Variants in PDE8B observed in about 807,000 individuals in gnomAD.
The protein encoded by PDE8B is phosphodiesterase 8B.
A neutral mutation model predicts 101.3 loss-of-function variants in PDE8B; 26 were observed. The observed-to-expected ratio is 0.26, with a 90% CI of 0.19 to 0.36. PDE8B has a LOEUF of 0.36. PDE8B is among the 10% of genes least tolerant of loss of function. The probability of loss-of-function intolerance (pLI) is 1.00; values close to 1 mark genes in which losing one functional copy is unlikely to be tolerated. For synonymous variants in PDE8B, 424 were observed against 429.3 expected, an observed-to-expected ratio of 0.99 and a Z score of 0.15; for missense variants, 810 against 1,163.1, an observed-to-expected ratio of 0.70 and a Z score of 4.42.
At chr5:77,115,053 C>T in the PDE8B span, 1 of 152,130 alleles carries the variant, frequency 6.6e-6, no homozygotes, top group South Asian at 2.1e-4. Flanking sequence ...TACCTGCTGA[C>T]ACCTTATTGG....
In PDE8B at chr5:77,412,386, G is replaced by A. The variant is rs1021605083; in HGVS notation, c.1712+151G>A. On this transcript the variant is annotated intron_variant, in intron 16 of 21. Coordinates refer to ENST00000264917, the MANE Select transcript of PDE8B (RefSeq NM_003719.5). ...ATGTTAGAGTAGTGTTGAATGAGCA[G>A]AGAGACTATGGCCCCTGAGTGAGAT... 9.2e-6 allele frequency: 7 copies of A among 762,016 alleles called. No homozygotes were observed. The African/African-American group carries it at 1.0e-4, about 11-fold the overall frequency. 47.2% of individuals were successfully genotyped at this position (762,016 alleles called of 1,614,324 possible).
the PDE8B span, among the ~76,000 whole-genome samples, chr5:77,128,637 G>A: frequency 6.6e-6 from 1 of 152,198 alleles, no homozygotes; most frequent in Admixed American, 6.5e-5. Flanking sequence ...AAGTGGCCAG[G>A]CCAAAAGGAT....
the PDE8B span, among the ~76,000 whole-genome samples, chr5:77,193,733 A>C: frequency 6.6e-6 from 1 of 152,170 alleles, no homozygotes; most frequent in East Asian, 1.9e-4. Flanking sequence ...TTGAGATTGT[A>C]TTGAATCTAT....
Position 77,337,301 on chromosome 5 carries a change from C to G in PDE8B, c.783C>G (p.Ser261=). The G allele has an allele frequency of 6.4e-7, 1 of 1,568,614 alleles. No homozygotes were observed. The highest frequency in any genetic ancestry group is 8.8e-7 in the Non-Finnish European group (1 of 1,140,858). Residue 261 remains serine (S), a synonymous_variant, in exon 6 of 22, where the codon TCC becomes TCG. Coordinates refer to ENST00000264917, the MANE Select transcript of PDE8B (RefSeq NM_003719.5). The part of the protein sequence containing the change: ...LIQIEHGEVR[S]QFKLRACNSV... ...AAATAGAACATGGGGAAGTTCGCTC[C>G]CAGTTCAAATTACGGTATGTAGCAA...
chr5:77,157,762 T>C, the PDE8B span, among the ~76,000 whole-genome samples: 1 of 152,234 alleles, frequency 6.6e-6, no homozygotes, highest in African/African-American at 2.4e-5. Flanking sequence ...GTCTTTCCCT[T>C]AACCAAAACT....
the PDE8B span, among the ~76,000 whole-genome samples, chr5:77,204,903 A>G: frequency 3.5e-4 from 54 of 152,310 alleles, no homozygotes; most frequent in Non-Finnish European, 5.9e-4. Context: ...CCTTTGGAGT[A>G]GGACTGCACC....
At chr5:77,319,841 A>G (rs1774630729) in intron 2 of PDE8B, among the ~76,000 whole-genome samples, 2 of 152,270 alleles carry the variant, frequency 1.3e-5, no homozygotes, top group African/African-American at 2.4e-5. Flanking sequence ...TTGCCAAGGC[A>G]TAGGAAAGAT....
the PDE8B span, among the ~76,000 whole-genome samples, chr5:77,128,932 G>A: frequency 1.3e-5 from 2 of 152,090 alleles, no homozygotes; most frequent in African/African-American, 4.8e-5. Context: ...CAAGAAACCT[G>A]GCTAAAGATT....
the PDE8B span, chr5:77,111,966 C>T: frequency 6.6e-6 from 1 of 152,020 alleles, no homozygotes; most frequent in East Asian, 1.9e-4. Flanking sequence ...ATCTTTTGCA[C>T]CCATTCCTAC....
At chr5:77,196,768 T>G in the PDE8B span, among the ~76,000 whole-genome samples, 2 of 152,178 alleles carry the variant, frequency 1.3e-5, no homozygotes, top group African/African-American at 4.8e-5. Context: ...GGGTTAGTAT[T>G]ATTTCTTCTT....
chr5:77,395,889 T>C (rs1790942151), intron 10 of PDE8B, among the ~76,000 whole-genome samples: 1 of 152,172 alleles, frequency 6.6e-6, no homozygotes, highest in Non-Finnish European at 1.5e-5. Context: ...GTGCTCCACG[T>C]AGCATTGGGG....
chr5:77,184,669 A>C, the PDE8B span, among the ~76,000 whole-genome samples: 849 of 152,214 alleles, frequency 5.6e-3, 9 homozygotes, highest in African/African-American at 0.019. Context: ...ATCAACCCTG[A>C]AACCTCAGTA....
At chr5:77,316,377 G>A (rs1773770074) in intron 2 of PDE8B, among the ~76,000 whole-genome samples, 1 of 152,188 alleles carries the variant, frequency 6.6e-6, no homozygotes, top group East Asian at 1.9e-4. Flanking sequence ...GGGACTACAG[G>A]TGCATGCCAC....
chr5:77,162,411 G>C, the PDE8B span, among the ~76,000 whole-genome samples: 2 of 152,084 alleles, frequency 1.3e-5, no homozygotes, highest in African/African-American at 4.8e-5. Context: ...TGTAGAAATT[G>C]ACAAGCTGAC....
At chr5:77,244,591 A>T (rs1756480909) in intron 1 of PDE8B, among the ~76,000 whole-genome samples, 1 of 152,108 alleles carries the variant, frequency 6.6e-6, no homozygotes, top group Admixed American at 6.6e-5. Context: ...TAATAATAAT[A>T]ATAACCAACC....
rs546251157 is a variant in PDE8B at position 77,417,291 on chromosome 5, C to T, written c.1912-938C>T. 8.5e-5 allele frequency among the ~76,000 whole-genome samples: 13 copies of T among 152,260 alleles called. No homozygotes were observed. The South Asian group carries it at 1.0e-3, about 12-fold the overall frequency. ...TGCTGCCCTAAACTAGACCAGGTCC[C>T]ATGGTTATACTCCCAAAGCATCTGT... is the stretch of plus-strand genomic sequence containing the variant. On this transcript the variant is annotated intron_variant, in intron 17 of 21. Coordinates refer to ENST00000264917, the MANE Select transcript of PDE8B (RefSeq NM_003719.5).
At chr5:77,315,657 C>G in intron 2 of PDE8B, among the ~76,000 whole-genome samples, 1 of 152,162 alleles carries the variant, frequency 6.6e-6, no homozygotes, top group East Asian at 1.9e-4. Flanking sequence ...ACTATGTGAT[C>G]TATCAGTTTC....
At chr5:77,330,871 G>C (rs968003602) in intron 4 of PDE8B, among the ~76,000 whole-genome samples, 2 of 152,160 alleles carry the variant, frequency 1.3e-5, no homozygotes, top group African/African-American at 2.4e-5. Flanking sequence ...TGTGAAATGA[G>C]TAGCAATTAT....
At chr5:77,301,729 G>C (rs981056333) in intron 1 of PDE8B, among the ~76,000 whole-genome samples, 1 of 152,210 alleles carries the variant, frequency 6.6e-6, no homozygotes, top group Non-Finnish European at 1.5e-5. Context: ...GACCCTGCAT[G>C]ATCTTTGGGA....
Sources: allele counts gnomAD v4.1 joint callset (sites outside exome capture counted in the v4.1 genomes callset), GRCh38; gene constraint gnomAD v4.1.1; transcripts MANE v1.5; gene names NCBI Gene and HGNC (gene_info 2026-07-23, HGNC 2026-07-21).